Variants in SOS1 observed in about 807,000 individuals in gnomAD.
SOS1 encodes SOS Ras/Rac guanine nucleotide exchange factor 1, also known as son of sevenless homolog 1.
In SOS1, 25 loss-of-function variants were observed where a neutral mutation model predicts 157.6. The observed-to-expected ratio is 0.16, with a 90% CI of 0.12 to 0.22. The LOEUF (loss-of-function observed/expected upper bound fraction) is 0.22. Ranked by LOEUF, SOS1 falls within the 10% of genes least tolerant of loss-of-function variation. The probability of loss-of-function intolerance (pLI) is 1.00; values close to 1 mark genes in which losing one functional copy is unlikely to be tolerated. For synonymous variants in SOS1, 528 were observed against 534.0 expected (o/e 0.99, Z 0.16); for missense variants, 1,237 against 1,599.1 (o/e 0.77, Z 3.86).
intron 6 of SOS1, among the ~76,000 whole-genome samples, chr2:39,050,888 G>C (rs1329051414): frequency 1.3e-5 from 2 of 152,090 alleles, no homozygotes; most frequent in Non-Finnish European, 2.9e-5. Context: ...TTTTACAGTA[G>C]GCCATTGGGT....
upstream of SOS1, among the ~76,000 whole-genome samples, chr2:39,122,287 G>A (rs1463149775): frequency 6.6e-6 from 1 of 151,904 alleles, no homozygotes; most frequent in Non-Finnish European, 1.5e-5. Flanking sequence ...AAAATTAGCC[G>A]AGCATGGTGG....
At chr2:39,075,615 A>AC (rs1671943443) in intron 1 of SOS1, among the ~76,000 whole-genome samples, 5 of 34,360 alleles carry the variant, frequency 1.5e-4, no homozygotes, top group Non-Finnish European at 3.9e-4. Context: ...ACCAGCCTGG[A>AC]GAAAACAGAC....
At chr2:39,041,775 TCTTC>T (rs1349558175) in intron 6 of SOS1, among the ~76,000 whole-genome samples, 2 of 152,254 alleles carry the variant, frequency 1.3e-5, no homozygotes. Context: ...AAACTTAATC[TCTTC>T]CTTTCTGGTT....
rs150256075 is a variant in SOS1 at position 39,055,348 on chromosome 2, C to A, written c.511-525G>T. Among the ~76,000 whole-genome samples the A allele has an allele frequency of 7.2e-3, 1,094 of 152,214 alleles. 11 individuals are homozygous for A. Among genetic ancestry groups the A allele is most frequent in the African/African-American group, 0.025 (1,051 of 41,534 alleles). On this transcript the variant is annotated intron_variant, in intron 4 of 22. Coordinates refer to ENST00000402219, the MANE Select transcript of SOS1 (RefSeq NM_005633.4). The stretch of plus-strand genomic sequence containing the variant: ...TCTACAGCATCATATCTCTATAACA[C>A]AATAAAATATTATTTTATCTTGTGT...
intron 1 of SOS1, among the ~76,000 whole-genome samples, chr2:39,108,304 A>G (rs142940861): frequency 6.6e-6 from 1 of 152,248 alleles, no homozygotes; most frequent in African/African-American, 2.4e-5. Flanking sequence ...TCCATGCTCC[A>G]TACAGTCTAC....
intron 17 of SOS1, among the ~76,000 whole-genome samples, chr2:39,004,976 T>TA (rs1669237034): frequency 2.0e-5 from 3 of 152,286 alleles, no homozygotes; most frequent in Middle Eastern, 6.8e-3. Context: ...GAAAGCAACT[T>TA]AAAATCACAT....
At chr2:38,988,781 A>C (rs1166823817) in intron 21 of SOS1, among the ~76,000 whole-genome samples, 1 of 152,242 alleles carries the variant, frequency 6.6e-6, no homozygotes, top group African/African-American at 2.4e-5. Flanking sequence ...TATTTTGTTT[A>C]TCAGTATTTA....
intron 1 of SOS1, among the ~76,000 whole-genome samples, chr2:39,076,787 C>T (rs539592081): frequency 6.6e-6 from 1 of 151,818 alleles, no homozygotes; most frequent in African/African-American, 2.4e-5. Context: ...GAGGTCCTAG[C>T]CAATAAGATA....
chr2:39,091,519 C>T (rs1672594266), intron 1 of SOS1, among the ~76,000 whole-genome samples: 1 of 151,802 alleles, frequency 6.6e-6, no homozygotes, highest in South Asian at 2.1e-4. Flanking sequence ...AGGAAAGCCT[C>T]ACCTCATTCA....
intron 6 of SOS1, among the ~76,000 whole-genome samples, chr2:39,041,370 CT>C (rs1670562231): frequency 1.3e-5 from 2 of 152,134 alleles, no homozygotes; most frequent in Non-Finnish European, 2.9e-5. Context: ...GGAGAAATAT[CT>C]ATTCAAATCC....
chr2:38,991,558 C>T (rs1668734454), intron 20 of SOS1, among the ~76,000 whole-genome samples: 2 of 152,192 alleles, frequency 1.3e-5, no homozygotes, highest in Admixed American at 6.6e-5. Flanking sequence ...CAGCAACTGT[C>T]GTCATCACCT....
intron 1 of SOS1, among the ~76,000 whole-genome samples, chr2:39,093,316 C>A (rs750236162): frequency 2.6e-5 from 4 of 152,140 alleles, no homozygotes; most frequent in Non-Finnish European, 5.9e-5. Flanking sequence ...TAGTAAACAA[C>A]TTCTAGTGTT....
At chr2:39,035,112 C>A in intron 8 of SOS1, 100 bp downstream of exon 8, 1 of 754,414 alleles carries the variant, frequency 1.3e-6, no homozygotes, top group Non-Finnish European at 2.3e-6. Flanking sequence ...CAGAAACACA[C>A]TAATGTGCAG....
chr2:39,068,693 ATT>A (rs748917181), intron 1 of SOS1, among the ~76,000 whole-genome samples: 1 of 145,880 alleles, frequency 6.9e-6, no homozygotes. Context: ...CATTTCTTTA[ATT>A]TTTTTTTTTT....
At position 39,090,404 on chromosome 2, in the gene SOS1, A is replaced by C. The variant is rs542888444; in HGVS notation, c.88-22651T>G. 3.9e-5 allele frequency among the ~76,000 whole-genome samples: 6 copies of C among 152,100 alleles called. No homozygotes were observed. In the East Asian group the frequency reaches 7.7e-4, roughly 20 times the overall value. ...CATACAGTATTTTTTGTTTGTAAGAATCTTTAGCAGGCCTGGTGTGGTGGC... is the reference window on the plus strand; with the variant it reads ...CATACAGTATTTTTTGTTTGTAAGACTCTTTAGCAGGCCTGGTGTGGTGGC... On this transcript the variant is annotated intron_variant, in intron 1 of 22. Coordinates refer to ENST00000402219, the MANE Select transcript of SOS1 (RefSeq NM_005633.4).
intron 13 of SOS1, among the ~76,000 whole-genome samples, chr2:39,012,625 C>G (rs899824377): frequency 2.0e-5 from 3 of 152,122 alleles, no homozygotes; most frequent in Non-Finnish European, 4.4e-5. Flanking sequence ...TTTGTAGAGA[C>G]TGTCCATCCC....
intron 17 of SOS1, among the ~76,000 whole-genome samples, chr2:39,004,440 A>G (rs898259469): frequency 3.3e-5 from 5 of 149,880 alleles, no homozygotes; most frequent in African/African-American, 1.2e-4. Context: ...GAAGTCCCAT[A>G]TGTAAACAGG....
chr2:39,065,797 T>C (rs1671570080), intron 2 of SOS1, among the ~76,000 whole-genome samples: 1 of 152,216 alleles, frequency 6.6e-6, no homozygotes, highest in African/African-American at 2.4e-5. Flanking sequence ...TTTCTGAGTG[T>C]CTTCTCTGTG....
At chr2:39,100,097 A>C (rs2148203422) in intron 1 of SOS1, among the ~76,000 whole-genome samples, 1 of 152,306 alleles carries the variant, frequency 6.6e-6, no homozygotes, top group Middle Eastern at 3.4e-3. Context: ...ATCATCAGAG[A>C]AATGCAAATC....
Sources: allele counts gnomAD v4.1 joint callset (sites outside exome capture counted in the v4.1 genomes callset), GRCh38; gene constraint gnomAD v4.1.1; transcripts MANE v1.5; gene names NCBI Gene and HGNC (gene_info 2026-07-23, HGNC 2026-07-21).